The following SERINC5 variants were observed in gnomAD, a reference collection of about 807,000 sequenced individuals.
The protein encoded by SERINC5 is chromosome 5 open reading frame 12.
A neutral mutation model predicts 63.1 loss-of-function variants in SERINC5; 41 were observed. That is an observed-to-expected ratio of 0.65 (90% CI 0.51 to 0.84). The LOEUF (loss-of-function observed/expected upper bound fraction) is 0.84, where lower values mean the gene tolerates loss of function less well. Ranked by LOEUF, SERINC5 falls within the 40% of genes least tolerant of loss-of-function variation. The probability of loss-of-function intolerance (pLI) is 0.00; values close to 1 mark genes in which losing one functional copy is unlikely to be tolerated. For synonymous variants in SERINC5, 222 were observed against 215.2 expected (o/e 1.03, Z -0.28); for missense variants, 523 against 573.0 (o/e 0.91, Z 0.89).
chr5:80,146,083 C>T lies in SERINC5; in HGVS notation c.1238+7G>A, dbSNP rs1274497822. 6.2e-7 allele frequency: 1 copy of T among 1,613,886 alleles called. No individual in the cohort carries two copies. The highest frequency in any genetic ancestry group is 2.2e-5 in the East Asian group (1 of 44,880). ...TTCAAAAATACCTAAGCAAATGGGC[C>T]ACTCACTTGAACCAGTTGGTGACGG... On this transcript the variant is annotated splice_region_variant and intron_variant, in intron 11 of 11. Transcript: ENST00000507668.
Position 80,146,109 on chromosome 5 carries a change from T to G in SERINC5, c.1219A>C (p.Thr407Pro). ...ACTCACTTGAACCAGTTGGTGACGG[T>G]CATCATCACATACAGGGAAGCTAGG... ...FFLASLYVMMTVTNWFNYESA... is the reference protein window; with the variant it reads ...FFLASLYVMMPVTNWFNYESA... Residue 407 changes from threonine to proline, a missense_variant, in exon 11 of 12, where the codon ACC becomes CCC. Physicochemically the swap from Thr to Pro is conservative, Grantham distance 38. Transcript: ENST00000507668. 1 of 1,614,028 alleles carries G rather than the reference T, an allele frequency of 6.2e-7. No individual in the cohort carries two copies. Among genetic ancestry groups the G allele is most frequent in the African/African-American group, 1.3e-5 (1 of 75,068 alleles).
intron 1 of SERINC5, among the ~76,000 whole-genome samples, chr5:80,241,589 T>A (rs1213377241): frequency 6.6e-6 from 1 of 152,130 alleles, no homozygotes; most frequent in Non-Finnish European, 1.5e-5. Context: ...AGGTTTCAGT[T>A]ACTTGGTAGG....
At chr5:80,243,091 T>C in intron 1 of SERINC5, among the ~76,000 whole-genome samples, 1 of 152,226 alleles carries the variant, frequency 6.6e-6, no homozygotes, top group East Asian at 1.9e-4. Context: ...TTTTGTGTGC[T>C]GAGCAGCAGG....
chr5:80,140,304 C>CCAA lies in SERINC5; in HGVS notation c.*3356_*3358dup, dbSNP rs1427514086. The CCAA allele has an allele frequency of 5.2e-6, 3 of 571,528 alleles. No homozygotes were observed. Among genetic ancestry groups the CCAA allele is most frequent in the Non-Finnish European group, 5.8e-6 (3 of 513,702 alleles). The allele number at this position is 571,528 out of a possible 1,614,324, so 35.4% of individuals were successfully genotyped here. A position where few individuals can be genotyped will look rare whatever the true frequency, so the allele number is the denominator to read the frequency against. On this transcript the variant is annotated 3_prime_UTR_variant, in exon 12 of 12. Coordinates refer to ENST00000507668, the MANE Select transcript of SERINC5 (RefSeq NM_001174072.3). ...CGTGGCTGACAGAGTGAGCCCGTCT[C>CCAA]CAAAAAAAAAAAAAAAAAAAAAAAA...
intron 1 of SERINC5, among the ~76,000 whole-genome samples, chr5:80,244,127 TA>T (rs1486324462): frequency 6.6e-6 from 1 of 152,016 alleles, no homozygotes; most frequent in Non-Finnish European, 1.5e-5. Context: ...TAAAAGATAA[TA>T]ACCTCCCCTC....
intron 1 of SERINC5, among the ~76,000 whole-genome samples, chr5:80,230,446 A>C (rs112503417): frequency 5.6e-5 from 2 of 35,906 alleles, no homozygotes; most frequent in African/African-American, 1.2e-4. Flanking sequence ...AGACTGTCAC[A>C]AAAAAAAAAA....
chr5:80,130,033 T>C (rs1225415107), intron 11 of SERINC5, among the ~76,000 whole-genome samples: 4 of 152,198 alleles, frequency 2.6e-5, no homozygotes, highest in Non-Finnish European at 5.9e-5. Context: ...GATTGAAGGA[T>C]AGTTTCATGT....
At chr5:80,114,179 AT>A (rs1744240874) in intron 11 of SERINC5, among the ~76,000 whole-genome samples, 1 of 152,088 alleles carries the variant, frequency 6.6e-6, no homozygotes, top group South Asian at 2.1e-4. Flanking sequence ...TCATACTGCT[AT>A]AAAGACTACC....
At chr5:80,148,486 G>A (rs977520259) in intron 9 of SERINC5, among the ~76,000 whole-genome samples, 3 of 151,718 alleles carry the variant, frequency 2.0e-5, no homozygotes, top group Non-Finnish European at 4.4e-5. Context: ...CACTGCACCC[G>A]GCCATTATTT....
chr5:80,242,932 C>T (rs1752010452), intron 1 of SERINC5, among the ~76,000 whole-genome samples: 1 of 152,162 alleles, frequency 6.6e-6, no homozygotes, highest in Non-Finnish European at 1.5e-5. Flanking sequence ...CAAAATGTTA[C>T]ACATTGTTAC....
intron 11 of SERINC5, chr5:80,129,177 T>G (rs1185959854): frequency 6.6e-6 from 1 of 152,066 alleles, no homozygotes; most frequent in African/African-American, 2.4e-5. Context: ...AGGGAGGAGG[T>G]GCCGCTGTGA....
chr5:80,166,325 C>G, intron 7 of SERINC5, 58 bp downstream of exon 7: 1 of 1,147,488 alleles, frequency 8.7e-7, no homozygotes, highest in Non-Finnish European at 1.3e-6. Flanking sequence ...ATAGCTCATT[C>G]CTCCATGAAT....
chr5:80,227,187 C>A (rs768703812), intron 1 of SERINC5, among the ~76,000 whole-genome samples: 4 of 152,092 alleles, frequency 2.6e-5, no homozygotes, highest in African/African-American at 7.2e-5. Flanking sequence ...TGAGCCACTG[C>A]GCCTGGCCTA....
At position 80,218,417 on chromosome 5, in the gene SERINC5, G is replaced by A. The variant is rs185464756; in HGVS notation, c.28-15364C>T. Among the ~76,000 whole-genome samples the A allele has an allele frequency of 1.1e-4, 16 of 152,250 alleles. No individual in the cohort carries two copies. In the East Asian group the frequency reaches 1.7e-3, roughly 17 times the overall value. On this transcript the variant is annotated intron_variant, in intron 1 of 11. Coordinates refer to ENST00000507668, the MANE Select transcript of SERINC5 (RefSeq NM_001174072.3). ...TAGCCAGGCATGATGGCACATGCCC[G>A]TAATCCCAGCTACATGAGAGGCTGA...
At chr5:80,120,037 A>G (rs2112230988) in intron 11 of SERINC5, among the ~76,000 whole-genome samples, 1 of 152,232 alleles carries the variant, frequency 6.6e-6, no homozygotes, top group South Asian at 2.1e-4. Flanking sequence ...AAGTTACTTC[A>G]TTTTTTTGGA....
Position 80,143,557 on chromosome 5 carries a change from A to G in SERINC5, c.*106T>C. ...TTTTTTTCTCTCTCAAAGCTTTTTCAGACCCACTCAGGCACAGGGCGCCAG... is the reference window on the plus strand; with the variant it reads ...TTTTTTTCTCTCTCAAAGCTTTTTCGGACCCACTCAGGCACAGGGCGCCAG... On this transcript the variant is annotated 3_prime_UTR_variant, in exon 12 of 12. Transcript: ENST00000507668. The G allele has an allele frequency of 7.3e-7, 1 of 1,374,550 alleles. No homozygotes were observed. Among genetic ancestry groups the G allele is most frequent in the Non-Finnish European group, 9.4e-7 (1 of 1,065,038 alleles). The allele number at this position is 1,374,550 out of a possible 1,614,324, so 85.1% of individuals were successfully genotyped here.
chr5:80,138,802 G>A lies in SERINC5; in HGVS notation c.*4861C>T. 1.0e-6 allele frequency: 1 copy of A among 984,104 alleles called. No individual in the cohort carries two copies. 61.0% of individuals were successfully genotyped at this position (984,104 alleles called of 1,614,324 possible). A position where few individuals can be genotyped will look rare whatever the true frequency, so the allele number is the denominator to read the frequency against. On this transcript the variant is annotated 3_prime_UTR_variant, in exon 12 of 12. Transcript: ENST00000507668. Reference sequence around the variant, plus strand: ...AGACTCCATGAAACTTGAGAGACCTGATTAACATCTGAAGGCAACATCTCT... The same window carrying A: ...AGACTCCATGAAACTTGAGAGACCTAATTAACATCTGAAGGCAACATCTCT...
intron 1 of SERINC5, among the ~76,000 whole-genome samples, chr5:80,228,229 G>T (rs977525665): frequency 4.9e-4 from 64 of 130,664 alleles, no homozygotes; most frequent in African/African-American, 1.6e-3. Context: ...AGTGAGTGAG[G>T]GAGGGAGGGA....
intron 7 of SERINC5, among the ~76,000 whole-genome samples, chr5:80,160,097 A>G (rs896897008): frequency 1.3e-5 from 2 of 152,102 alleles, no homozygotes; most frequent in Non-Finnish European, 2.9e-5. Flanking sequence ...TGGGAATGGT[A>G]GGGCTGTTTT....
Sources: allele counts gnomAD v4.1 joint callset (sites outside exome capture counted in the v4.1 genomes callset), GRCh38; gene constraint gnomAD v4.1.1; transcripts MANE v1.5; gene names NCBI Gene and HGNC (gene_info 2026-07-23, HGNC 2026-07-21).